DYTN: variants seen among roughly 807,000 people sequenced by gnomAD.
DYTN encodes the protein dystrotelin.
Under a neutral mutation model 69.6 loss-of-function variants are expected in DYTN, and 75 were observed. That is an observed-to-expected ratio of 1.08 (90% CI 0.89 to 1.31). DYTN has a LOEUF of 1.31. DYTN is among the 50% of genes most tolerant of loss of function. DYTN has a pLI of 0.00. For missense variants in DYTN, 726 were observed against 688.4 expected, an observed-to-expected ratio of 1.05 and a Z score of -0.61; for synonymous variants, 252 against 249.1, an observed-to-expected ratio of 1.01 and a Z score of -0.11.
In DYTN at chr2:206,712,181, A is replaced by C. The variant is rs568131473; in HGVS notation, c.20-1583T>G. Among the ~76,000 whole-genome samples, 179 of 152,322 alleles carry C rather than the reference A, an allele frequency of 1.2e-3. 1 individual carries two copies. The highest frequency in any genetic ancestry group is 4.2e-3 in the African/African-American group (173 of 41,574). On this transcript the variant is annotated intron_variant, in intron 1 of 11. Transcript: ENST00000452335. The stretch of plus-strand genomic sequence containing the variant: ...GGAACTTGGGAGAAAAACAATTTCT[A>C]ACAAAAGTCTAAGAAGTCGCCAACG...
intron 11 of DYTN, among the ~76,000 whole-genome samples, chr2:206,654,095 G>C (rs960598074): frequency 6.6e-6 from 1 of 152,238 alleles, no homozygotes; most frequent in Non-Finnish European, 1.5e-5. Flanking sequence ...GCGATTGAAT[G>C]ATGAGCCAAC....
intron 9 of DYTN, among the ~76,000 whole-genome samples, chr2:206,692,357 C>A (rs1574598191): frequency 6.6e-6 from 1 of 151,558 alleles, no homozygotes; most frequent in Non-Finnish European, 1.5e-5. Flanking sequence ...GTCACAAAAA[C>A]CTTTTAAAGG....
At chr2:206,671,135 C>G (rs1467639817) in intron 9 of DYTN, among the ~76,000 whole-genome samples, 2 of 152,178 alleles carry the variant, frequency 1.3e-5, no homozygotes, top group Admixed American at 1.3e-4. Context: ...CCCAGTCTGG[C>G]CCAGGCTCCT....
At chr2:206,705,164 T>C (rs1202672498) in intron 4 of DYTN, 2 of 521,620 alleles carry the variant, frequency 3.8e-6, no homozygotes, top group African/African-American at 3.8e-5. Flanking sequence ...TGGCACAATC[T>C]TGGCTCACTG....
intron 5 of DYTN, among the ~76,000 whole-genome samples, chr2:206,703,251 T>C (rs530012496): frequency 2.0e-5 from 3 of 152,252 alleles, no homozygotes; most frequent in East Asian, 1.9e-4. Flanking sequence ...CCTCAGCTCA[T>C]CCCCTTTCAT....
At chr2:206,712,591 G>T (rs1308199050) in intron 1 of DYTN, among the ~76,000 whole-genome samples, 1 of 152,230 alleles carries the variant, frequency 6.6e-6, no homozygotes, top group East Asian at 1.9e-4. Flanking sequence ...GAGAGACAGA[G>T]TGGGGTTGAG....
At chr2:206,683,206 C>T (rs1275166515) in intron 9 of DYTN, among the ~76,000 whole-genome samples, 1 of 152,122 alleles carries the variant, frequency 6.6e-6, no homozygotes, top group Non-Finnish European at 1.5e-5. Context: ...ACATAGCAAC[C>T]AGACTGAGAG....
At chr2:206,681,499 T>C (rs886399034) in intron 9 of DYTN, among the ~76,000 whole-genome samples, 4 of 152,202 alleles carry the variant, frequency 2.6e-5, no homozygotes, top group Non-Finnish European at 5.9e-5. Context: ...AGTATGATAT[T>C]GTCTGTGGGT....
At chr2:206,716,366 G>C (rs4675626) in intron 1 of DYTN, among the ~76,000 whole-genome samples, 14,392 of 152,096 alleles carry the variant, frequency 0.095, 1,515 homozygotes, top group East Asian at 0.51. Context: ...GCCTCTCTCT[G>C]AATGTATATC....
chr2:206,684,208 G>A (rs995200215), intron 9 of DYTN, among the ~76,000 whole-genome samples: 2 of 152,108 alleles, frequency 1.3e-5, no homozygotes, highest in Admixed American at 6.5e-5. Flanking sequence ...GAGCATCTAT[G>A]TTCTTCCCTC....
At chr2:206,706,796 G>C (rs1461349174) in intron 3 of DYTN, among the ~76,000 whole-genome samples, 1 of 151,356 alleles carries the variant, frequency 6.6e-6, no homozygotes, top group East Asian at 1.9e-4. Flanking sequence ...CCACACACTA[G>C]CAGAACTATT....
At chr2:206,691,645 A>C (rs1242629852) in intron 9 of DYTN, among the ~76,000 whole-genome samples, 1 of 152,200 alleles carries the variant, frequency 6.6e-6, no homozygotes, top group Non-Finnish European at 1.5e-5. Context: ...CATCAAGATG[A>C]TATCCAAATT....
chr2:206,691,207 G>T (rs995597907), intron 9 of DYTN, among the ~76,000 whole-genome samples: 3 of 152,150 alleles, frequency 2.0e-5, no homozygotes, highest in East Asian at 1.9e-4. Flanking sequence ...GAGGTCAGGA[G>T]ATCAAGACCA....
intron 4 of DYTN, among the ~76,000 whole-genome samples, chr2:206,705,484 A>T (rs72960713): frequency 0.32 from 48,009 of 152,118 alleles, 7,713 homozygotes; most frequent in East Asian, 0.43. Context: ...ACATCTAGGA[A>T]GAAGATCATG....
rs1253073117 is a variant in DYTN at position 206,698,979 on chromosome 2, T to C, written c.719+748A>G. Among the ~76,000 whole-genome samples, 3 of 152,224 alleles carry C rather than the reference T, an allele frequency of 2.0e-5. No individual in the cohort carries two copies. In the East Asian group the frequency reaches 5.8e-4, roughly 29 times the overall value. ...GTAGGTTATTTAACTTCTCTGTAAATAGGGGATAAGAATACAACCCTTTGT... is the reference window on the plus strand; with the variant it reads ...GTAGGTTATTTAACTTCTCTGTAAACAGGGGATAAGAATACAACCCTTTGT... On this transcript the variant is annotated intron_variant, in intron 7 of 11. Coordinates refer to ENST00000452335, the MANE Select transcript of DYTN (RefSeq NM_001093730.1).
chr2:206,677,088 C>T (rs113157952), intron 9 of DYTN, among the ~76,000 whole-genome samples: 18 of 151,852 alleles, frequency 1.2e-4, no homozygotes, highest in Admixed American at 5.9e-4. Context: ...CTGGGATTAC[C>T]GGAGTGTGCC....
chr2:206,704,427 G>T (rs1419483832), intron 5 of DYTN, among the ~76,000 whole-genome samples: 1 of 152,148 alleles, frequency 6.6e-6, no homozygotes, highest in East Asian at 1.9e-4. Flanking sequence ...AAAAGGTATG[G>T]GGTGTAAGGA....
chr2:206,705,062 G>A (rs1700012314), intron 4 of DYTN, 119 bp from the exon 5 acceptor site: 2 of 823,448 alleles, frequency 2.4e-6, no homozygotes, highest in Non-Finnish European at 3.9e-6. Flanking sequence ...GGAAAGTTAT[G>A]TTCTTGATTA....
Position 206,663,210 on chromosome 2 carries a change from A to T in DYTN, c.1326T>A (p.Ser442Arg), listed in dbSNP as rs1487606124. Residue 442 changes from serine to arginine, a missense_variant, in exon 11 of 12, where the codon AGT becomes AGA. Transcript: ENST00000452335. ...KLDEVDRSHR[S>R]HTNAEHALRN... The stretch of plus-strand genomic sequence containing the variant: ...GCAGAGCATGCTCTGCATTTGTGTG[A>T]CTTCTGTGACTTCTGTCAACCTCAT... The T allele has an allele frequency of 5.0e-6, 8 of 1,613,734 alleles. No individual in the cohort carries two copies. The highest frequency in any genetic ancestry group is 6.8e-6 in the Non-Finnish European group (8 of 1,179,850).
Sources: allele counts gnomAD v4.1 joint callset (sites outside exome capture counted in the v4.1 genomes callset), GRCh38; gene constraint gnomAD v4.1.1; transcripts MANE v1.5; gene names NCBI Gene and HGNC (gene_info 2026-07-23, HGNC 2026-07-21).